GAS7: variants seen among roughly 807,000 people sequenced by gnomAD.
The protein encoded by GAS7 is growth arrest-specific protein 7.
GAS7 carries 28 observed loss-of-function variants against 71.1 expected under a neutral mutation model. The observed-to-expected ratio is 0.39, with a 90% CI of 0.29 to 0.54. The LOEUF is 0.54. Among genes scored for constraint, GAS7 ranks in the 20% least tolerant of loss-of-function variants. The probability of loss-of-function intolerance (pLI) is 0.62; values close to 1 mark genes in which losing one functional copy is unlikely to be tolerated. For missense variants in GAS7, 436 were observed against 627.8 expected, an observed-to-expected ratio of 0.69 and a Z score of 3.27; for synonymous variants, 258 against 245.8, an observed-to-expected ratio of 1.05 and a Z score of -0.46.
At chr17:10,153,038 C>CAAAAAAAA (rs397857973) in intron 1 of GAS7, among the ~76,000 whole-genome samples, 4 of 75,978 alleles carry the variant, frequency 5.3e-5, no homozygotes, top group Non-Finnish European at 5.8e-5. Flanking sequence ...ACTAAAAATA[C>CAAAAAAAA]AAAAAAAAAA....
intron 1 of GAS7, among the ~76,000 whole-genome samples, chr17:10,049,348 C>G (rs2073028405): frequency 6.6e-6 from 1 of 152,142 alleles, no homozygotes; most frequent in African/African-American, 2.4e-5. Context: ...TCAAAGCCCT[C>G]TTTATATCAT....
At chr17:9,940,080 G>C in intron 8 of GAS7, 46 bp downstream of exon 8, 2 of 1,048,832 alleles carry the variant, frequency 1.9e-6, no homozygotes, top group Non-Finnish European at 3.0e-6. Flanking sequence ...CCCTTCCTCA[G>C]TGACCCCCCA....
rs757681986 is a variant in GAS7, at chr17:9,919,723, T to C, written c.1139-18A>G. On this transcript the variant is annotated intron_variant, in intron 11 of 13. Transcript: ENST00000432992. This position sits in a 1 kb window ranked among gnomAD's most constrained non-coding sequence, Gnocchi z 5.0. Reference sequence around the variant, plus strand: ...GTCGTCTCCTGGAAAAAGACCACAGTCACCATCATGAAGCATCCTATCCTC... The same window carrying C: ...GTCGTCTCCTGGAAAAAGACCACAGCCACCATCATGAAGCATCCTATCCTC... 8.2e-6 allele frequency: 13 copies of C among 1,583,694 alleles called. No individual in the cohort carries two copies. Among genetic ancestry groups the C allele is most frequent in the Non-Finnish European group, 1.0e-5 (12 of 1,152,364 alleles).
chr17:9,971,164 A>T lies in GAS7; in HGVS notation c.386-1402T>A, dbSNP rs1285641691. Among the ~76,000 whole-genome samples the T allele has an allele frequency of 3.3e-5, 5 of 152,144 alleles. No individual in the cohort carries two copies. In the East Asian group the frequency reaches 9.6e-4, roughly 29 times the overall value. On this transcript the variant is annotated intron_variant, in intron 3 of 13. Coordinates refer to ENST00000432992, the MANE Select transcript of GAS7 (RefSeq NM_201433.2). ...ATAATCCCAGTACTTCGTGAGGTGG[A>T]GGTGGGAGGATCGCTTGAGTCCAGG...
At chr17:9,936,083 C>T (rs1349105420) in intron 8 of GAS7, among the ~76,000 whole-genome samples, 1 of 152,182 alleles carries the variant, frequency 6.6e-6, no homozygotes, top group East Asian at 1.9e-4. Flanking sequence ...CAGAGACAAC[C>T]GTACATCCAC....
intron 2 of GAS7, among the ~76,000 whole-genome samples, chr17:9,995,594 T>C (rs1418158042): frequency 3.3e-5 from 5 of 151,396 alleles, no homozygotes; most frequent in Admixed American, 3.3e-4. Context: ...AAATACAAGT[T>C]AAGACTGTAA....
chr17:10,030,339 A>G (rs1353148543), intron 1 of GAS7, among the ~76,000 whole-genome samples: 1 of 152,234 alleles, frequency 6.6e-6, no homozygotes, highest in Non-Finnish European at 1.5e-5. Context: ...CAAAGACCTC[A>G]TCTGAAACAC....
At chr17:10,082,065 T>A (rs2073462327) in intron 1 of GAS7, among the ~76,000 whole-genome samples, 1 of 152,146 alleles carries the variant, frequency 6.6e-6, no homozygotes, top group African/African-American at 2.4e-5. Flanking sequence ...ATGAACTAGC[T>A]CTACATGCAC....
intron 12 of GAS7, 59 bp from the exon 13 acceptor site, chr17:9,918,158 C>T: frequency 8.4e-7 from 1 of 1,187,820 alleles, no homozygotes; most frequent in South Asian, 1.3e-5. Context: ...TGGGGGTCCC[C>T]CCACCAAGAC....
intron 9 of GAS7, among the ~76,000 whole-genome samples, chr17:9,928,572 C>T (rs1198061809): frequency 6.6e-6 from 1 of 152,084 alleles, no homozygotes; most frequent in South Asian, 2.1e-4. Context: ...TCTGCCTCCA[C>T]CGGTCTTAGA....
intron 2 of GAS7, among the ~76,000 whole-genome samples, chr17:10,016,008 C>G (rs2071981281): frequency 6.6e-6 from 1 of 152,092 alleles, no homozygotes; most frequent in Non-Finnish European, 1.5e-5. Context: ...TTATTAAATC[C>G]CCAGTATCCC....
chr17:10,093,672 G>A (rs539458941), intron 1 of GAS7, among the ~76,000 whole-genome samples: 6 of 151,524 alleles, frequency 4.0e-5, no homozygotes, highest in South Asian at 2.1e-4. Flanking sequence ...GCAATCCTAC[G>A]AACAGTTGTT....
intron 2 of GAS7, among the ~76,000 whole-genome samples, chr17:10,012,884 C>T (rs1320015413): frequency 3.3e-5 from 5 of 151,892 alleles, no homozygotes; most frequent in East Asian, 2.0e-4. Flanking sequence ...AGGTGAATCA[C>T]GAGATCAGGA....
intron 11 of GAS7, among the ~76,000 whole-genome samples, chr17:9,922,043 C>A (rs375235490): frequency 5.3e-5 from 8 of 151,872 alleles, no homozygotes; most frequent in African/African-American, 9.7e-5. Flanking sequence ...GGTTATCCTG[C>A]GCTTGCCTCC....
chr17:10,115,554 C>T (rs950951587), intron 1 of GAS7, among the ~76,000 whole-genome samples: 2 of 152,336 alleles, frequency 1.3e-5, no homozygotes, highest in Middle Eastern at 3.4e-3. Flanking sequence ...GAAGGCCTCT[C>T]TCATCCCTCC....
intron 1 of GAS7, among the ~76,000 whole-genome samples, chr17:10,179,931 T>C (rs529067634): frequency 7.2e-5 from 11 of 152,230 alleles, no homozygotes; most frequent in African/African-American, 2.6e-4. Context: ...GCAGTGACCA[T>C]CAGCAAATAC....
chr17:10,005,141 GCA>G, intron 2 of GAS7, among the ~76,000 whole-genome samples: 1 of 72,458 alleles, frequency 1.4e-5, no homozygotes, highest in Non-Finnish European at 4.2e-5. Context: ...ATGTGTGCGC[GCA>G]CGCATGCATG....
intron 4 of GAS7, among the ~76,000 whole-genome samples, chr17:9,961,926 C>T (rs539008076): frequency 6.6e-6 from 1 of 152,216 alleles, no homozygotes; most frequent in East Asian, 1.9e-4. Context: ...TGCAGGAAGG[C>T]AAAAAAGATT....
intron 1 of GAS7, among the ~76,000 whole-genome samples, chr17:10,141,975 T>C (rs2074084837): frequency 1.6e-5 from 1 of 63,172 alleles, no homozygotes. Context: ...ACGCCTGTAA[T>C]CCCAGCACTT....
Sources: allele counts gnomAD v4.1 joint callset (sites outside exome capture counted in the v4.1 genomes callset), GRCh38; gene constraint gnomAD v4.1.1; non-coding constraint Gnocchi (gnomAD v3.1); transcripts MANE v1.5; gene names NCBI Gene and HGNC (gene_info 2026-07-23, HGNC 2026-07-21).